The following RNF13 variants were observed in gnomAD, a reference collection of about 807,000 sequenced individuals.
RNF13 encodes ring finger protein 13.
In RNF13, 19 loss-of-function variants were observed where a neutral mutation model predicts 37.7. The ratio of observed to expected loss-of-function variants is 0.50; its 90% CI spans 0.35 to 0.74. The LOEUF is 0.74. Ranked by LOEUF, RNF13 falls within the 30% of genes least tolerant of loss-of-function variation. The pLI is 0.01. For missense variants in RNF13, 375 were observed against 453.0 expected, an observed-to-expected ratio of 0.83 and a Z score of 1.56; for synonymous variants, 144 against 157.8, an observed-to-expected ratio of 0.91 and a Z score of 0.65.
chr3:149,956,153 G>T (rs1379089070), intron 8 of RNF13, among the ~76,000 whole-genome samples: 2 of 152,034 alleles, frequency 1.3e-5, no homozygotes, highest in Non-Finnish European at 2.9e-5. Context: ...TTTATTCTCA[G>T]GGAAGCCATT....
intron 4 of RNF13, 29 bp from the exon 5 acceptor site, chr3:149,895,444 A>C: frequency 9.6e-7 from 1 of 1,037,642 alleles, no homozygotes; most frequent in Non-Finnish European, 1.4e-6. Flanking sequence ...CTTATAACAT[A>C]ATTTTTTTTT....
intron 4 of RNF13, among the ~76,000 whole-genome samples, chr3:149,881,826 C>G (rs1713444263): frequency 6.6e-6 from 1 of 152,128 alleles, no homozygotes. Flanking sequence ...TGCCACTTAG[C>G]AAAAGGTCAA....
intron 8 of RNF13, among the ~76,000 whole-genome samples, chr3:149,932,993 GT>G (rs1719313597): frequency 1.3e-5 from 2 of 152,218 alleles, no homozygotes; most frequent in Admixed American, 6.5e-5. Flanking sequence ...TGAAATCTAG[GT>G]TGGAACCTGG....
At chr3:149,851,328 T>C (rs1458861803) in intron 2 of RNF13, 1 of 152,274 alleles carries the variant, frequency 6.6e-6, no homozygotes, top group Non-Finnish European at 1.5e-5. Context: ...ATTTGCTTGC[T>C]GTACTGGAGA....
At chr3:149,845,248 A>G (rs1722534578) in intron 1 of RNF13, among the ~76,000 whole-genome samples, 1 of 152,212 alleles carries the variant, frequency 6.6e-6, no homozygotes, top group African/African-American at 2.4e-5. Context: ...ATAATTCATT[A>G]TAAAAGCCCT....
chr3:149,859,496 GAC>G (rs140394983), intron 3 of RNF13, among the ~76,000 whole-genome samples: 2 of 151,818 alleles, frequency 1.3e-5, no homozygotes, highest in African/African-American at 2.4e-5. Context: ...GGGAGATAAA[GAC>G]ACACACACAC....
chr3:149,821,774 GTT>G (rs914164538), intron 1 of RNF13, among the ~76,000 whole-genome samples: 3 of 152,004 alleles, frequency 2.0e-5, no homozygotes, highest in African/African-American at 7.2e-5. Context: ...TCTTCCAAGA[GTT>G]TTATAATTTT....
At chr3:149,957,593 A>C (rs1576606247) in intron 8 of RNF13, among the ~76,000 whole-genome samples, 1 of 152,210 alleles carries the variant, frequency 6.6e-6, no homozygotes, top group South Asian at 2.1e-4. Flanking sequence ...GGACAAAAGC[A>C]TAAGGTTGGT....
intron 4 of RNF13, among the ~76,000 whole-genome samples, chr3:149,893,340 GAA>G (rs1014164833): frequency 1.3e-4 from 20 of 152,118 alleles, no homozygotes; most frequent in African/African-American, 4.6e-4. Context: ...GCTTTAAAAA[GAA>G]ATTTAAAACT....
At chr3:149,908,558 A>C (rs1716661587) in intron 6 of RNF13, among the ~76,000 whole-genome samples, 1 of 152,214 alleles carries the variant, frequency 6.6e-6, no homozygotes, top group Non-Finnish European at 1.5e-5. Context: ...ATGGGGACAC[A>C]GAGCCTGTTT....
intron 6 of RNF13, among the ~76,000 whole-genome samples, chr3:149,903,400 A>G (rs572170835): frequency 3.3e-5 from 5 of 152,070 alleles, no homozygotes; most frequent in African/African-American, 7.2e-5. Context: ...GAAGTAATAT[A>G]TAGATACTAG....
intron 4 of RNF13, among the ~76,000 whole-genome samples, chr3:149,893,530 A>G (rs1246268807): frequency 6.6e-6 from 1 of 152,250 alleles, no homozygotes; most frequent in Admixed American, 6.5e-5. Context: ...AACTAATAGT[A>G]ACCCCAACTG....
chr3:149,914,663 G>A (rs1294950674), intron 7 of RNF13, among the ~76,000 whole-genome samples: 2 of 152,046 alleles, frequency 1.3e-5, no homozygotes, highest in Non-Finnish European at 2.9e-5. Flanking sequence ...GGCCGGGTGC[G>A]GTGGCTCACA....
At chr3:149,813,144 A>G (rs142062503), upstream of RNF13, 20 of 152,438 alleles carry the variant, frequency 1.3e-4, no homozygotes, top group African/African-American at 4.3e-4. Context: ...ACAGGCAACC[A>G]TGTTGCCCAG....
chr3:149,846,603 GC>G (rs1357880617), intron 2 of RNF13, among the ~76,000 whole-genome samples: 1 of 152,138 alleles, frequency 6.6e-6, no homozygotes, highest in Non-Finnish European at 1.5e-5. Flanking sequence ...ACCACGCCCA[GC>G]CCCTTATTCA....
intron 8 of RNF13, among the ~76,000 whole-genome samples, chr3:149,938,481 A>G (rs959243973): frequency 5.0e-4 from 75 of 149,758 alleles, no homozygotes; most frequent in African/African-American, 1.8e-3. Flanking sequence ...CCATATTGTT[A>G]TTATTATTTT....
chr3:149,840,732 A>G (rs1051907507), intron 1 of RNF13, among the ~76,000 whole-genome samples: 4 of 152,112 alleles, frequency 2.6e-5, no homozygotes, highest in African/African-American at 9.7e-5. Context: ...TGGTATCCAC[A>G]CTCTCAATAA....
intron 7 of RNF13, among the ~76,000 whole-genome samples, chr3:149,915,938 G>A (rs985873086): frequency 1.3e-5 from 2 of 152,176 alleles, no homozygotes; most frequent in African/African-American, 4.8e-5. Flanking sequence ...ACAACAGTAT[G>A]AATGTACTTA....
chr3:149,934,118 A>C (rs1366572967), intron 8 of RNF13, among the ~76,000 whole-genome samples: 2 of 152,012 alleles, frequency 1.3e-5, no homozygotes, highest in Non-Finnish European at 2.9e-5. Flanking sequence ...ACAGGTGTAC[A>C]TGTCTATGAA....
Sources: gnomAD v4.1 joint callset for allele counts (sites outside exome capture counted in the v4.1 genomes callset) on GRCh38, gnomAD v4.1.1 for gene constraint, MANE v1.5 for transcripts, NCBI Gene and HGNC (gene_info 2026-07-23, HGNC 2026-07-21) for gene names.